UNC80: variants seen among roughly 807,000 people sequenced by gnomAD.
The protein encoded by UNC80 is unc-80 subunit of NALCN channel complex.
UNC80 carries 164 observed loss-of-function variants against 384.6 expected under a neutral mutation model. That is an observed-to-expected ratio of 0.43 (90% CI 0.38 to 0.49). UNC80 has a LOEUF of 0.49. UNC80 is among the 20% of genes least tolerant of loss of function. The pLI, the probability that UNC80 is intolerant of heterozygous loss-of-function variation, is 0.00. For missense variants in UNC80, 3,330 were observed against 4,143.0 expected (o/e 0.80, Z 5.39); for synonymous variants, 1,486 against 1,527.8 (o/e 0.97, Z 0.64).
chr2:209,953,051 T>C (rs16843974), intron 47 of UNC80, among the ~76,000 whole-genome samples: 3,692 of 152,280 alleles, frequency 0.024, 173 homozygotes, highest in African/African-American at 0.084. Context: ...TTCAGATTCT[T>C]TGGGATATCA....
At chr2:209,890,714 T>C (rs931714787) in intron 26 of UNC80, among the ~76,000 whole-genome samples, 2 of 152,224 alleles carry the variant, frequency 1.3e-5, no homozygotes, top group African/African-American at 4.8e-5. Context: ...ACCTACTGCA[T>C]TGCGATGTTG....
In UNC80 at chr2:209,775,930, C is replaced by G; in HGVS notation, c.183C>G (p.Leu61=). 6.2e-7 allele frequency: 1 copy of G among 1,614,112 alleles called. No homozygotes were observed. Among genetic ancestry groups the G allele is most frequent in the South Asian group, 1.1e-5 (1 of 91,080 alleles). Residue 61 remains leucine, a synonymous_variant, in exon 3 of 65, where the codon CTC becomes CTG. Coordinates refer to ENST00000673920, the MANE Select transcript of UNC80 (RefSeq NM_001371986.1). ...RVLVENKLHG[L]SPALSEAIQS... ...TGGTAGAAAACAAGCTGCATGGCCT[C>G]TCTCCAGCTCTCTCTGAAGCCATCC... is the stretch of plus-strand genomic sequence containing the variant.
intron 45 of UNC80, among the ~76,000 whole-genome samples, 193 bp downstream of exon 45, chr2:209,943,707 G>A (rs1473281509): frequency 6.6e-6 from 1 of 152,188 alleles, no homozygotes; most frequent in Non-Finnish European, 1.5e-5. Context: ...CCTGATTGGA[G>A]CTATTGGCCT....
rs1410820991 is a variant in UNC80, at chr2:209,988,356, C to T, written c.9314+3444C>T. On this transcript the variant is annotated intron_variant, in intron 61 of 64. Coordinates refer to ENST00000673920, the MANE Select transcript of UNC80 (RefSeq NM_001371986.1). ...TTCACTTTTCCATGTGCTGGTCTCA[C>T]CTAGTGCTTCTACTTAAATTTTTAA... is the stretch of plus-strand genomic sequence containing the variant. 2.6e-5 allele frequency among the ~76,000 whole-genome samples: 4 copies of T among 152,094 alleles called. No homozygotes were observed. In the East Asian group the frequency reaches 7.7e-4, roughly 29 times the overall value.
At chr2:209,784,686 C>T (rs1351887232) in intron 4 of UNC80, among the ~76,000 whole-genome samples, 1 of 152,220 alleles carries the variant, frequency 6.6e-6, no homozygotes, top group Non-Finnish European at 1.5e-5. Context: ...TTGTCTGACA[C>T]AGCCCTTCAC....
At chr2:209,941,012 G>A (rs983856713) in intron 43 of UNC80, among the ~76,000 whole-genome samples, 1 of 152,168 alleles carries the variant, frequency 6.6e-6, no homozygotes, top group Admixed American at 6.5e-5. Flanking sequence ...CCCACAGTTA[G>A]TTAAAGAGGT....
chr2:209,955,385 C>A (rs1292279878), intron 48 of UNC80, among the ~76,000 whole-genome samples: 1 of 151,932 alleles, frequency 6.6e-6, no homozygotes, highest in African/African-American at 2.4e-5. Context: ...GCTACATTGC[C>A]AAACTAGGCA....
intron 30 of UNC80, 102 bp downstream of exon 30, chr2:209,912,769 C>T (rs951728242): frequency 1.2e-5 from 9 of 754,854 alleles, no homozygotes; most frequent in East Asian, 5.9e-5. Context: ...TCAGTTGGTA[C>T]AGTGTTGGCA....
At chr2:209,882,781 T>C (rs2085411750) in intron 25 of UNC80, among the ~76,000 whole-genome samples, 1 of 152,214 alleles carries the variant, frequency 6.6e-6, no homozygotes, top group Admixed American at 6.5e-5. Flanking sequence ...TTGGTCACCA[T>C]TTTGATCCAC....
At chr2:209,881,165 T>G in intron 25 of UNC80, 71 bp downstream of exon 25, 1 of 1,478,618 alleles carries the variant, frequency 6.8e-7, no homozygotes, top group South Asian at 1.4e-5. Context: ...GTTTCCAAGA[T>G]TCACAGTTTT....
chr2:209,860,458 T>C (rs2083268894), intron 22 of UNC80, among the ~76,000 whole-genome samples: 1 of 151,862 alleles, frequency 6.6e-6, no homozygotes, highest in South Asian at 2.1e-4. Flanking sequence ...TCAGTCAGCA[T>C]TGTAGTTTGA....
intron 16 of UNC80, among the ~76,000 whole-genome samples, chr2:209,831,904 G>A (rs2080996827): frequency 6.6e-6 from 1 of 152,058 alleles, no homozygotes; most frequent in Admixed American, 6.6e-5. Flanking sequence ...CAGCTTGTTG[G>A]CTCGTAAAAT....
At chr2:209,937,002 T>C in intron 41 of UNC80, 69 bp downstream of exon 41, 1 of 1,105,502 alleles carries the variant, frequency 9.0e-7, no homozygotes, top group South Asian at 1.4e-5. Flanking sequence ...TGAGGGTGGC[T>C]CACAGTCAGG....
At chr2:209,880,521 A>G (rs2085193281) in intron 24 of UNC80, among the ~76,000 whole-genome samples, 1 of 152,200 alleles carries the variant, frequency 6.6e-6, no homozygotes, top group Admixed American at 6.5e-5. Context: ...ATAGCTCCAA[A>G]TCTAGTTCAC....
intron 24 of UNC80, among the ~76,000 whole-genome samples, chr2:209,879,008 T>C (rs114223601): frequency 0.022 from 3,376 of 152,192 alleles, 36 homozygotes; most frequent in Non-Finnish European, 0.036. Flanking sequence ...AAAACTCTTA[T>C]GATCTTCCTT....
chr2:209,869,549 A>G (rs7567142), intron 22 of UNC80, among the ~76,000 whole-genome samples: 24,452 of 151,998 alleles, frequency 0.16, 2,598 homozygotes, highest in African/African-American at 0.29. Flanking sequence ...AATACCCCAG[A>G]AATTGGTATT....
chr2:209,857,460 A>G (rs1247360275), intron 22 of UNC80, among the ~76,000 whole-genome samples: 1 of 152,188 alleles, frequency 6.6e-6, no homozygotes, highest in Non-Finnish European at 1.5e-5. Context: ...CAGTATCTGT[A>G]GTTACCTATT....
In UNC80 at chr2:209,885,666, G is replaced by A. The variant is rs185833285; in HGVS notation, c.4111-2429G>A. ...TTCCATGTAGTTCCTATATTTTTCT[G>A]GGTGTGATATAATTTTCTGAGTCAA... On this transcript the variant is annotated intron_variant, in intron 25 of 64. Transcript: ENST00000673920. 2.1e-3 allele frequency among the ~76,000 whole-genome samples: 326 copies of A among 152,034 alleles called. 1 individual carries two copies. Among genetic ancestry groups the A allele is most frequent in the African/African-American group, 7.6e-3 (314 of 41,452 alleles).
At chr2:209,807,058 T>C (rs1169669427) in intron 7 of UNC80, among the ~76,000 whole-genome samples, 1 of 152,224 alleles carries the variant, frequency 6.6e-6, no homozygotes, top group Admixed American at 6.5e-5. Context: ...CATAACATGT[T>C]GTTTATTCTT....
Sources: gnomAD v4.1 joint callset for allele counts (sites outside exome capture counted in the v4.1 genomes callset) on GRCh38, gnomAD v4.1.1 for gene constraint, MANE v1.5 for transcripts, NCBI Gene and HGNC (gene_info 2026-07-23, HGNC 2026-07-21) for gene names.